Variants in AFF2 observed in about 807,000 individuals in gnomAD.
AFF2 encodes the protein AF4/FMR2 family member 2.
Under a neutral mutation model 76.9 loss-of-function variants are expected in AFF2, and 14 were observed. The ratio of observed to expected loss-of-function variants is 0.18; its 90% CI spans 0.12 to 0.28. The LOEUF is 0.28. AFF2 is among the 10% of genes least tolerant of loss of function. The probability of loss-of-function intolerance (pLI) is 1.00; values close to 1 mark genes in which losing one functional copy is unlikely to be tolerated. For missense variants in AFF2, 868 were observed against 1,001.1 expected (o/e 0.87, Z 1.79); for synonymous variants, 398 against 366.7 (o/e 1.09, Z -0.98).
At chrX:148,520,582 G>T (rs868949793) in intron 1 of AFF2, among the ~76,000 whole-genome samples, 7 of 112,154 alleles carry the variant, frequency 6.2e-5, no homozygotes, top group African/African-American at 1.9e-4. Context: ...GCAATAGAAA[G>T]AATTTCCAAA....
intron 13 of AFF2, among the ~76,000 whole-genome samples, chrX:148,966,550 A>G (rs1425505946): frequency 1.8e-5 from 2 of 109,980 alleles, no homozygotes; most frequent in African/African-American, 6.6e-5. Flanking sequence ...TGGTGGAGCT[A>G]TGTAATGGCA....
intron 2 of AFF2, 35 bp downstream of exon 2, chrX:148,652,166 GT>G (rs782398858): frequency 9.0e-7 from 1 of 1,105,068 alleles, no homozygotes; most frequent in South Asian, 2.0e-5. Flanking sequence ...ATGGTTGCTT[GT>G]TACATTTTTG....
chrX:148,730,673 A>G (rs2055210132), intron 3 of AFF2, among the ~76,000 whole-genome samples: 1 of 112,881 alleles, frequency 8.9e-6, no homozygotes, highest in South Asian at 3.6e-4. Flanking sequence ...GTTGGCCAGT[A>G]TTAGCCATAC....
chrX:148,543,607 A>G, intron 1 of AFF2, among the ~76,000 whole-genome samples: 1 of 112,020 alleles, frequency 8.9e-6, no homozygotes, highest in Non-Finnish European at 1.9e-5. Context: ...GCTGTAGTAG[A>G]AAGCACAGAG....
intron 1 of AFF2, among the ~76,000 whole-genome samples, chrX:148,603,837 C>T (rs2053649750): frequency 9.3e-6 from 1 of 108,095 alleles, no homozygotes; most frequent in Non-Finnish European, 1.9e-5. Flanking sequence ...TTTTGATTTT[C>T]TTATTTATGT....
intron 7 of AFF2, among the ~76,000 whole-genome samples, chrX:148,872,950 G>A (rs1443949721): frequency 9.0e-6 from 1 of 111,595 alleles, no homozygotes; most frequent in Non-Finnish European, 1.9e-5. Flanking sequence ...CTTTGAGGGA[G>A]GGGGACACAC....
intron 7 of AFF2, among the ~76,000 whole-genome samples, chrX:148,873,638 A>T: frequency 9.1e-6 from 1 of 109,617 alleles, no homozygotes; most frequent in Non-Finnish European, 1.9e-5. Flanking sequence ...CCCAAATTTC[A>T]TGGAGAGAGT....
intron 1 of AFF2, among the ~76,000 whole-genome samples, chrX:148,617,032 A>G (rs1318175932): frequency 8.9e-6 from 1 of 111,765 alleles, no homozygotes; most frequent in East Asian, 2.8e-4. Context: ...CACAATAAAC[A>G]TACGTGTGCA....
intron 3 of AFF2, among the ~76,000 whole-genome samples, chrX:148,742,103 A>G (rs1557265725): frequency 9.0e-6 from 1 of 111,351 alleles, no homozygotes; most frequent in East Asian, 2.8e-4. Flanking sequence ...AAAATTCACA[A>G]TGCTAGCCTC....
chrX:148,882,570 G>A (rs1163700307), intron 7 of AFF2, among the ~76,000 whole-genome samples: 1 of 111,123 alleles, frequency 9.0e-6, no homozygotes, highest in South Asian at 3.8e-4. Flanking sequence ...ACACACACAG[G>A]CATACATTTA....
At chrX:148,689,587 A>G (rs1434659875) in intron 3 of AFF2, among the ~76,000 whole-genome samples, 1 of 111,206 alleles carries the variant, frequency 9.0e-6, no homozygotes, top group Admixed American at 9.6e-5. Context: ...AACTGGTTTG[A>G]TTGCTTAAGG....
chrX:148,815,437 T>C (rs2070252832), intron 4 of AFF2, among the ~76,000 whole-genome samples: 1 of 111,465 alleles, frequency 9.0e-6, no homozygotes, highest in South Asian at 3.7e-4. Context: ...GGAACCAAAT[T>C]AGCTCATAAG....
At chrX:148,786,515 G>A (rs1371853388) in intron 3 of AFF2, among the ~76,000 whole-genome samples, 2 of 111,826 alleles carry the variant, frequency 1.8e-5, no homozygotes, top group Admixed American at 9.5e-5. Flanking sequence ...CAGATCTCTC[G>A]TTGGCTTGTA....
intron 3 of AFF2, among the ~76,000 whole-genome samples, chrX:148,775,191 A>T (rs1227789021): frequency 6.3e-5 from 7 of 111,633 alleles, no homozygotes; most frequent in Non-Finnish European, 1.1e-4. Context: ...ATAACTTTTT[A>T]CCTATAAGTT....
At chrX:148,834,142 T>G (rs782448215) in intron 4 of AFF2, among the ~76,000 whole-genome samples, 40 of 112,590 alleles carry the variant, frequency 3.6e-4, no homozygotes, top group Non-Finnish European at 6.9e-4. Context: ...TATAAGTGTC[T>G]TCCTATTATT....
chrX:148,986,227 A>G (rs1400268027), intron 19 of AFF2, among the ~76,000 whole-genome samples: 1 of 111,972 alleles, frequency 8.9e-6, no homozygotes, highest in African/African-American at 3.2e-5. Context: ...TCTTCCCTCC[A>G]TTTCATTTAC....
chrX:148,836,286 A>C (rs782249655), intron 4 of AFF2, among the ~76,000 whole-genome samples: 11 of 112,162 alleles, frequency 9.8e-5, no homozygotes, highest in Non-Finnish European at 1.7e-4. Flanking sequence ...AATCTTTGTC[A>C]GAATAATACT....
intron 9 of AFF2, among the ~76,000 whole-genome samples, chrX:148,924,526 A>G (rs1285448928): frequency 8.9e-6 from 1 of 112,186 alleles, no homozygotes; most frequent in African/African-American, 3.2e-5. Context: ...TATCTCTTCC[A>G]AGGAAAACAT....
At chrX:148,784,041 A>G (rs1317248458) in intron 3 of AFF2, among the ~76,000 whole-genome samples, 1 of 112,013 alleles carries the variant, frequency 8.9e-6, no homozygotes, top group Non-Finnish European at 1.9e-5. Context: ...TGGTTTTGCC[A>G]TTTTGCAAGT....
Sources: gnomAD v4.1 joint callset for allele counts (sites outside exome capture counted in the v4.1 genomes callset) on GRCh38, gnomAD v4.1.1 for gene constraint, MANE v1.5 for transcripts, NCBI Gene and HGNC (gene_info 2026-07-23, HGNC 2026-07-21) for gene names.